The following ARID4B variants were observed in gnomAD, a reference collection of about 807,000 sequenced individuals.
ARID4B encodes AT-rich interactive domain-containing protein 4B.
Under a neutral mutation model 147.5 loss-of-function variants are expected in ARID4B, and 26 were observed. The observed-to-expected ratio is 0.18, with a 90% CI of 0.13 to 0.24. The LOEUF (loss-of-function observed/expected upper bound fraction) is 0.24, where lower values mean the gene tolerates loss of function less well. ARID4B is among the 10% of genes least tolerant of loss of function. The probability of loss-of-function intolerance (pLI) is 1.00; values close to 1 mark genes in which losing one functional copy is unlikely to be tolerated. For missense variants in ARID4B, 1,179 were observed against 1,511.5 expected (o/e 0.78, Z 3.65); for synonymous variants, 512 against 507.9 (o/e 1.01, Z -0.11).
At chr1:235,291,458 G>C (rs1426680411) in intron 2 of ARID4B, among the ~76,000 whole-genome samples, 1 of 151,794 alleles carries the variant, frequency 6.6e-6, no homozygotes, top group South Asian at 2.1e-4. Context: ...AATTAAAAAT[G>C]AATCTAAAAT....
At chr1:235,191,079 C>T (rs1177056643) in intron 19 of ARID4B, among the ~76,000 whole-genome samples, 1 of 152,084 alleles carries the variant, frequency 6.6e-6, no homozygotes, top group African/African-American at 2.4e-5. Flanking sequence ...TGTGCCACTA[C>T]CTAGATCAGC....
intron 2 of ARID4B, among the ~76,000 whole-genome samples, chr1:235,322,357 C>T (rs2103310414): frequency 6.6e-6 from 1 of 152,236 alleles, no homozygotes; most frequent in Non-Finnish European, 1.5e-5. Context: ...CTTCATCTCC[C>T]ACCACTGCCC....
chr1:235,318,147 T>G (rs900391426), intron 2 of ARID4B, among the ~76,000 whole-genome samples: 1 of 147,892 alleles, frequency 6.8e-6, no homozygotes, highest in African/African-American at 2.5e-5. Context: ...AAAAAGAGCA[T>G]AGTATTAACA....
chr1:235,278,734 ACACAG>A (rs1671493515), intron 2 of ARID4B, among the ~76,000 whole-genome samples: 1 of 152,242 alleles, frequency 6.6e-6, no homozygotes, highest in Admixed American at 6.5e-5. Flanking sequence ...CAGCTGCACA[ACACAG>A]CAGGGTTGAC....
chr1:235,198,348 A>AT (rs1223820236), intron 17 of ARID4B, among the ~76,000 whole-genome samples: 1 of 152,194 alleles, frequency 6.6e-6, no homozygotes, highest in Non-Finnish European at 1.5e-5. Context: ...TACATGCATG[A>AT]TATTGCACAT....
At chr1:235,177,173 A>AT (rs1199725190) in intron 21 of ARID4B, among the ~76,000 whole-genome samples, 2 of 152,164 alleles carry the variant, frequency 1.3e-5, no homozygotes, top group Admixed American at 1.3e-4. Context: ...TTCTATGCTG[A>AT]TTTTGCCTTG....
In ARID4B at chr1:235,326,319, T is replaced by A. The variant is rs562694215; in HGVS notation, c.6+595A>T. Among the ~76,000 whole-genome samples the A allele has an allele frequency of 2.0e-4, 30 of 152,238 alleles. 1 individual carries two copies. In the South Asian group the frequency reaches 6.2e-3, roughly 32 times the overall value. ...AACCTGGCCATCAGTTTTCCACACA[T>A]CATAATGCAACAGAGCCTCTGACTT... On this transcript the variant is annotated intron_variant, in intron 2 of 23. Transcript: ENST00000264183.
chr1:235,318,293 A>G (rs1674580808), intron 2 of ARID4B, among the ~76,000 whole-genome samples: 1 of 147,548 alleles, frequency 6.8e-6, no homozygotes, highest in African/African-American at 2.5e-5. Context: ...TCTCTGCCTC[A>G]GCCTCCTGAG....
intron 17 of ARID4B, among the ~76,000 whole-genome samples, chr1:235,209,932 A>C (rs1666603788): frequency 6.6e-6 from 1 of 152,152 alleles, no homozygotes; most frequent in Admixed American, 6.5e-5. Context: ...CTTTACCGGA[A>C]AAACATGTTT....
intron 2 of ARID4B, chr1:235,295,817 A>C (rs1291889763): frequency 6.6e-6 from 1 of 152,624 alleles, no homozygotes; most frequent in Non-Finnish European, 1.5e-5. Flanking sequence ...CCCAAAAAAA[A>C]AAAAAGACAC....
At chr1:235,310,475 G>C (rs1030301254) in intron 2 of ARID4B, among the ~76,000 whole-genome samples, 5 of 152,126 alleles carry the variant, frequency 3.3e-5, no homozygotes, top group Admixed American at 6.6e-5. Flanking sequence ...CTGCTTCTTC[G>C]ACCATAAAAA....
chr1:235,210,101 C>T (rs921921432), intron 17 of ARID4B, among the ~76,000 whole-genome samples: 1 of 151,904 alleles, frequency 6.6e-6, no homozygotes, highest in African/African-American at 2.4e-5. Flanking sequence ...GTGATGCACA[C>T]CTAGAGTCCC....
intron 7 of ARID4B, 109 bp downstream of exon 7, chr1:235,246,311 T>C: frequency 1.2e-6 from 1 of 836,446 alleles, no homozygotes; most frequent in Admixed American, 2.2e-5. Context: ...CCGAAATTAC[T>C]ATTAGATCTG....
At chr1:235,315,903 G>A (rs1246327938) in intron 2 of ARID4B, among the ~76,000 whole-genome samples, 1 of 152,128 alleles carries the variant, frequency 6.6e-6, no homozygotes, top group Non-Finnish European at 1.5e-5. Flanking sequence ...TATCCAATGT[G>A]CCATGGTGGT....
intron 8 of ARID4B, among the ~76,000 whole-genome samples, chr1:235,237,963 C>T (rs1303838880): frequency 6.6e-6 from 1 of 151,784 alleles, no homozygotes; most frequent in African/African-American, 2.4e-5. Flanking sequence ...CCAGCCTGAC[C>T]GACATGGAGA....
chr1:235,222,574 A>T (rs1290156977), intron 13 of ARID4B, among the ~76,000 whole-genome samples: 3 of 152,188 alleles, frequency 2.0e-5, no homozygotes, highest in Non-Finnish European at 4.4e-5. Flanking sequence ...AGACACAGGA[A>T]GGATTTCCAC....
chr1:235,212,123 T>C (rs1395613899), intron 17 of ARID4B, among the ~76,000 whole-genome samples: 1 of 152,088 alleles, frequency 6.6e-6, no homozygotes, highest in East Asian at 1.9e-4. Context: ...TGGGCGCCTA[T>C]AATCCTAGCT....
rs749896781 is a variant in ARID4B, at chr1:235,182,520, A to T, written c.2399T>A (p.Val800Asp). ...CTTGACATCCTTTCTCTTTTTTGTG[A>T]CTTCATCTTCTTCATAATCAGTATC... ...SEDTDYEEDE[V>D]TKKRKDVKKD... is the part of the protein sequence containing the mutation. The change falls in exon 20 of 24, where the codon GTC becomes GAC. Residue 800 changes from valine (V) to aspartate (D), a missense_variant. By Grantham distance (152) the Val-to-Asp change is radical. This residue lies in a region of ARID4B where 321 missense variants were observed against 342.4 expected (regional missense o/e 0.94). Transcript: ENST00000264183. 2 of 1,611,286 alleles carry T rather than the reference A, an allele frequency of 1.2e-6. No individual in the cohort carries two copies. The highest frequency in any genetic ancestry group is 1.7e-5 in the Admixed American group (1 of 59,482).
rs903083929 is a variant in ARID4B at position 235,328,002 on chromosome 1, C to G, written c.-283G>C. 6.6e-6 allele frequency: 1 copy of G among 152,666 alleles called. No homozygotes were observed. Among genetic ancestry groups the G allele is most frequent in the Non-Finnish European group, 1.5e-5 (1 of 68,216 alleles). 9.5% of individuals were successfully genotyped at this position (152,666 alleles called of 1,614,324 possible). A position where few individuals can be genotyped will look rare whatever the true frequency, so the allele number is the denominator to read the frequency against. On this transcript the variant is annotated 5_prime_UTR_variant, in exon 1 of 24. Coordinates refer to ENST00000264183, the MANE Select transcript of ARID4B (RefSeq NM_016374.6). ...GGGACGACGAAAAATCCCCCCCGGA[C>G]TGGAGGTCCGGGCCCCCAATCGCGC...
Sources: allele counts gnomAD v4.1 joint callset (sites outside exome capture counted in the v4.1 genomes callset), GRCh38; gene constraint gnomAD v4.1.1; regional missense constraint gnomAD v4.1.1; transcripts MANE v1.5; gene names NCBI Gene and HGNC (gene_info 2026-07-23, HGNC 2026-07-21).